Variants in IQCM observed in about 807,000 individuals in gnomAD.
IQCM encodes IQ motif containing M, also known as IQ domain-containing protein M.
In IQCM, 45 loss-of-function variants were observed where a neutral mutation model predicts 57.6. That is an observed-to-expected ratio of 0.78 (90% CI 0.62 to 1.00). The LOEUF is 1.00. Among genes scored for constraint, IQCM ranks in the 50% least tolerant of loss-of-function variants. The pLI is 0.00. For missense variants in IQCM, 468 were observed against 511.6 expected, an observed-to-expected ratio of 0.91 and a Z score of 0.82; for synonymous variants, 148 against 158.9, an observed-to-expected ratio of 0.93 and a Z score of 0.51.
intron 7 of IQCM, among the ~76,000 whole-genome samples, chr4:149,627,729 A>T (rs1474480210): frequency 1.3e-5 from 2 of 152,124 alleles, no homozygotes; most frequent in African/African-American, 4.8e-5. Context: ...AAACCTATAA[A>T]TGTTATTAGC....
chr4:149,704,402 C>T (rs1764002434), intron 5 of IQCM, among the ~76,000 whole-genome samples: 1 of 151,816 alleles, frequency 6.6e-6, no homozygotes, highest in Non-Finnish European at 1.5e-5. Flanking sequence ...TTTATTGGTA[C>T]ACAGCCAACC....
At chr4:149,777,555 G>A (rs1771208446) in intron 2 of IQCM, among the ~76,000 whole-genome samples, 1 of 152,028 alleles carries the variant, frequency 6.6e-6, no homozygotes, top group Admixed American at 6.6e-5. Flanking sequence ...TCATTTCATT[G>A]TTGTGTTGAG....
intron 12 of IQCM, among the ~76,000 whole-genome samples, chr4:149,447,152 T>G (rs1042362115): frequency 4.0e-5 from 6 of 151,494 alleles, no homozygotes; most frequent in Admixed American, 1.3e-4. Flanking sequence ...ATATAGTAGA[T>G]GGAAGAAGAA....
chr4:149,550,396 T>C (rs1748909811), intron 11 of IQCM, among the ~76,000 whole-genome samples: 1 of 152,234 alleles, frequency 6.6e-6, no homozygotes, highest in African/African-American at 2.4e-5. Context: ...AGGATCTGAT[T>C]CTAAACTAAA....
At chr4:149,372,128 A>G (rs964905766) in intron 13 of IQCM, among the ~76,000 whole-genome samples, 9 of 152,220 alleles carry the variant, frequency 5.9e-5, no homozygotes, top group African/African-American at 9.6e-5. Flanking sequence ...ACTAAATGCC[A>G]AAGCTTGAGC....
rs531385292 is a variant in IQCM, at chr4:149,475,438, T to C, written c.1229-41881A>G. The stretch of plus-strand genomic sequence containing the variant: ...AATCTATTAGACCTCCACATGGAGA[T>C]ATTGAATAGGCAGATACATATGTGA... On this transcript the variant is annotated intron_variant, in intron 12 of 13. Coordinates refer to ENST00000636793, the MANE Select transcript of IQCM (RefSeq NM_001363507.2). 2.6e-5 allele frequency among the ~76,000 whole-genome samples: 4 copies of C among 152,264 alleles called. No individual in the cohort carries two copies. In the East Asian group the frequency reaches 7.7e-4, roughly 29 times the overall value.
At chr4:149,783,815 A>G (rs1270359222) in intron 2 of IQCM, among the ~76,000 whole-genome samples, 1 of 152,196 alleles carries the variant, frequency 6.6e-6, no homozygotes, top group African/African-American at 2.4e-5. Flanking sequence ...AACAGCATCT[A>G]GATACTGCAG....
chr4:149,726,032 G>A (rs1355862766), intron 5 of IQCM, among the ~76,000 whole-genome samples: 1 of 146,882 alleles, frequency 6.8e-6, no homozygotes, highest in Non-Finnish European at 1.5e-5. Flanking sequence ...TTTCTTCCCT[G>A]ATGCTCAGTG....
At chr4:149,414,118 C>T (rs1047943604) in intron 13 of IQCM, among the ~76,000 whole-genome samples, 2 of 152,090 alleles carry the variant, frequency 1.3e-5, no homozygotes, top group Non-Finnish European at 2.9e-5. Flanking sequence ...TTTGATTTCT[C>T]TTATATTTTA....
At chr4:149,392,980 G>T (rs2111093830) in intron 13 of IQCM, among the ~76,000 whole-genome samples, 1 of 152,020 alleles carries the variant, frequency 6.6e-6, no homozygotes, top group Non-Finnish European at 1.5e-5. Context: ...CACCAGCCTG[G>T]GCAATAAAGT....
chr4:149,532,539 GA>G (rs948564793), intron 12 of IQCM, among the ~76,000 whole-genome samples: 12 of 124,430 alleles, frequency 9.6e-5, no homozygotes, highest in East Asian at 6.9e-4. Context: ...CCCAAGACAA[GA>G]AAAAAAAAGA....
intron 12 of IQCM, among the ~76,000 whole-genome samples, chr4:149,513,424 A>G (rs1257418395): frequency 1.3e-5 from 2 of 152,162 alleles, no homozygotes; most frequent in Non-Finnish European, 2.9e-5. Flanking sequence ...TGTTAAATGA[A>G]AAAAAAGAAA....
At chr4:149,594,298 G>T (rs1753537174) in intron 8 of IQCM, among the ~76,000 whole-genome samples, 1 of 152,070 alleles carries the variant, frequency 6.6e-6, no homozygotes, top group Non-Finnish European at 1.5e-5. Context: ...GGGATCAGTG[G>T]TGATATCTCC....
intron 12 of IQCM, among the ~76,000 whole-genome samples, chr4:149,478,846 A>G (rs565733783): frequency 6.6e-6 from 1 of 152,282 alleles, no homozygotes; most frequent in East Asian, 1.9e-4. Flanking sequence ...ATTAACATTA[A>G]TGTGATTTCA....
rs1381707722 is a variant in IQCM at position 149,433,432 on chromosome 4, G to A, written c.1354C>T (p.Pro452Ser). The part of the protein sequence containing the change: ...STLLKSTWLR[P>S]IVNGEEGYRY... Reference sequence around the variant, plus strand: ...TAACCTTCTTCCCCATTTACTATGGGTCTCAACCAAGTCGACTTGAGTAGT... The same window carrying A: ...TAACCTTCTTCCCCATTTACTATGGATCTCAACCAAGTCGACTTGAGTAGT... Residue 452 changes from proline to serine, a missense_variant, in exon 13 of 14, where the codon CCC becomes TCC. Physicochemically the swap from Pro to Ser is moderately conservative, Grantham distance 74. Transcript: ENST00000636793. 5.1e-5 allele frequency: 62 copies of A among 1,226,302 alleles called. No homozygotes were observed. The highest frequency in any genetic ancestry group is 2.5e-4 in the Admixed American group (6 of 23,580). The allele number at this position is 1,226,302 out of a possible 1,614,324, so 76.0% of individuals were successfully genotyped here. A position where few individuals can be genotyped will look rare whatever the true frequency, so the allele number is the denominator to read the frequency against.
chr4:149,397,811 C>T (rs1476887542), intron 13 of IQCM, among the ~76,000 whole-genome samples: 1 of 151,674 alleles, frequency 6.6e-6, no homozygotes, highest in Non-Finnish European at 1.5e-5. Context: ...GTTCCTTATA[C>T]ATTTCAGAGA....
chr4:149,603,873 T>C lies in IQCM; in HGVS notation c.682-15876A>G, dbSNP rs573271799. ...TCTTCTTAATATTATAGCTGTGTTT[T>C]TCACTGCTTTTGAACTATGTGTATA... On this transcript the variant is annotated intron_variant, in intron 8 of 13. Coordinates refer to ENST00000636793, the MANE Select transcript of IQCM (RefSeq NM_001363507.2). 7.9e-5 allele frequency among the ~76,000 whole-genome samples: 12 copies of C among 152,264 alleles called. No individual in the cohort carries two copies. In the South Asian group the frequency reaches 2.5e-3, roughly 32 times the overall value.
intron 13 of IQCM, among the ~76,000 whole-genome samples, chr4:149,373,177 A>G (rs1439630002): frequency 6.6e-6 from 1 of 152,144 alleles, no homozygotes; most frequent in East Asian, 1.9e-4. Flanking sequence ...ATCACTTTAT[A>G]TGTTATTTTA....
chr4:149,570,334 C>A (rs1406357820), intron 9 of IQCM, among the ~76,000 whole-genome samples: 1 of 151,992 alleles, frequency 6.6e-6, no homozygotes, highest in Admixed American at 6.6e-5. Context: ...AGTATGGTGG[C>A]TCCTATTAAG....
Sources: allele counts gnomAD v4.1 joint callset (sites outside exome capture counted in the v4.1 genomes callset), GRCh38; gene constraint gnomAD v4.1.1; transcripts MANE v1.5; gene names NCBI Gene and HGNC (gene_info 2026-07-23, HGNC 2026-07-21).